Variants in GRM7 observed in about 807,000 individuals in gnomAD.
GRM7 encodes glutamate metabotropic receptor 7.
GRM7 carries 35 observed loss-of-function variants against 84.5 expected under a neutral mutation model. That is an observed-to-expected ratio of 0.41 (90% CI 0.32 to 0.55). The LOEUF (loss-of-function observed/expected upper bound fraction) is 0.55. GRM7 is among the 20% of genes least tolerant of loss of function. The probability of loss-of-function intolerance (pLI) is 0.19; values close to 1 mark genes in which losing one functional copy is unlikely to be tolerated. For synonymous variants in GRM7, 487 were observed against 455.1 expected, an observed-to-expected ratio of 1.07 and a Z score of -0.89; for missense variants, 1,003 against 1,194.6, an observed-to-expected ratio of 0.84 and a Z score of 2.36.
At chr3:7,065,224 T>C (rs1212321897) in intron 1 of GRM7, among the ~76,000 whole-genome samples, 1 of 151,996 alleles carries the variant, frequency 6.6e-6, no homozygotes, top group Non-Finnish European at 1.5e-5. Flanking sequence ...TTTGTTTTTA[T>C]TGCATTTGCT....
At chr3:6,973,852 G>T (rs1430906046) in intron 1 of GRM7, among the ~76,000 whole-genome samples, 2 of 152,172 alleles carry the variant, frequency 1.3e-5, no homozygotes, top group Non-Finnish European at 2.9e-5. Flanking sequence ...AGCAGCTATG[G>T]TAAGGACTTG....
chr3:6,949,480 C>T (rs1047662344), intron 1 of GRM7, among the ~76,000 whole-genome samples: 4 of 151,990 alleles, frequency 2.6e-5, no homozygotes, highest in Non-Finnish European at 4.4e-5. Context: ...TCTCTGGTTG[C>T]CCTTAACATT....
intron 2 of GRM7, among the ~76,000 whole-genome samples, chr3:7,287,375 G>A (rs1013783504): frequency 1.4e-4 from 22 of 152,134 alleles, no homozygotes; most frequent in Admixed American, 1.2e-3. Context: ...TGCTTCAAAT[G>A]TCTTGTTTTA....
chr3:6,995,095 A>G (rs1263991016), intron 1 of GRM7, among the ~76,000 whole-genome samples: 1 of 152,232 alleles, frequency 6.6e-6, no homozygotes, highest in Non-Finnish European at 1.5e-5. Flanking sequence ...TTGGCATCAT[A>G]AAAGGATGGT....
chr3:7,350,508 G>T (rs116460421), intron 4 of GRM7, among the ~76,000 whole-genome samples: 1,757 of 152,086 alleles, frequency 0.012, 30 homozygotes, highest in African/African-American at 0.034. Context: ...AGTTTCCTGA[G>T]TCCTCCCCAG....
intron 7 of GRM7, among the ~76,000 whole-genome samples, chr3:7,544,525 G>C (rs925171388): frequency 6.6e-6 from 1 of 152,134 alleles, no homozygotes; most frequent in African/African-American, 2.4e-5. Flanking sequence ...ATCCTGGGTA[G>C]TTCCCAGCCT....
chr3:6,965,216 C>T (rs1312879203), intron 1 of GRM7, among the ~76,000 whole-genome samples: 1 of 152,180 alleles, frequency 6.6e-6, no homozygotes, highest in Non-Finnish European at 1.5e-5. Context: ...ACAGAGAGGA[C>T]AGAGAAAAGT....
intron 2 of GRM7, among the ~76,000 whole-genome samples, chr3:7,274,933 A>G (rs191533673): frequency 6.6e-6 from 1 of 152,040 alleles, no homozygotes; most frequent in Admixed American, 6.6e-5. Context: ...TGTGTATATC[A>G]TATCTACTGT....
intron 4 of GRM7, among the ~76,000 whole-genome samples, chr3:7,361,711 A>G (rs912835322): frequency 3.3e-5 from 5 of 152,132 alleles, no homozygotes; most frequent in African/African-American, 4.8e-5. Flanking sequence ...TAGAAAATAT[A>G]TGGCTCACAG....
rs113905768 is a variant in GRM7 at position 7,008,190 on chromosome 3, C to T, written c.520-138262C>T. Among the ~76,000 whole-genome samples the T allele has an allele frequency of 5.1e-3, 774 of 152,122 alleles. 10 individuals are homozygous for T. Among genetic ancestry groups the T allele is most frequent in the African/African-American group, 0.017 (722 of 41,462 alleles). ...GGGTCACCTAAAATGGATGAATTTT[C>T]TCATTGTGTCAATGCCTGTCTCTGA... On this transcript the variant is annotated intron_variant, in intron 1 of 9. Coordinates refer to ENST00000357716, the MANE Select transcript of GRM7 (RefSeq NM_000844.4).
chr3:7,530,357 G>A (rs1341837937), intron 7 of GRM7, among the ~76,000 whole-genome samples: 1 of 151,984 alleles, frequency 6.6e-6, no homozygotes, highest in African/African-American at 2.4e-5. Flanking sequence ...TGGACATTTG[G>A]GTTGGTTCCA....
intron 4 of GRM7, among the ~76,000 whole-genome samples, chr3:7,357,829 A>G (rs1355880003): frequency 1.3e-5 from 2 of 152,082 alleles, no homozygotes; most frequent in African/African-American, 4.8e-5. Flanking sequence ...CTTTATCAAA[A>G]GTGGGAAATG....
intron 1 of GRM7, among the ~76,000 whole-genome samples, chr3:7,104,625 T>C (rs754876962): frequency 2.6e-5 from 4 of 151,796 alleles, no homozygotes; most frequent in Non-Finnish European, 5.9e-5. Context: ...ATTTTTGATG[T>C]TTGTTTTGTG....
At chr3:7,037,076 A>G (rs1316213605) in intron 1 of GRM7, among the ~76,000 whole-genome samples, 2 of 152,188 alleles carry the variant, frequency 1.3e-5, no homozygotes, top group East Asian at 3.8e-4. Flanking sequence ...TACTTCATCA[A>G]GTACTTAGGA....
intron 4 of GRM7, among the ~76,000 whole-genome samples, chr3:7,393,551 C>G (rs902750979): frequency 2.0e-5 from 3 of 152,168 alleles, no homozygotes; most frequent in East Asian, 1.9e-4. Flanking sequence ...TGTCTTTTCT[C>G]TGGTGAATCT....
At chr3:7,468,160 A>G (rs911730246) in intron 7 of GRM7, among the ~76,000 whole-genome samples, 3 of 152,228 alleles carry the variant, frequency 2.0e-5, no homozygotes, top group African/African-American at 7.2e-5. Flanking sequence ...TATTATACTC[A>G]TAATTTACAA....
chr3:7,719,241 C>G (rs77666544), intron 9 of GRM7, among the ~76,000 whole-genome samples: 1,687 of 152,296 alleles, frequency 0.011, 43 homozygotes, highest in African/African-American at 0.039. Context: ...CCACCAAAAA[C>G]TGGAAGTGTC....
chr3:7,324,043 A>G (rs1647767729), intron 4 of GRM7, among the ~76,000 whole-genome samples: 1 of 152,118 alleles, frequency 6.6e-6, no homozygotes, highest in African/African-American at 2.4e-5. Flanking sequence ...GGTGTAATAT[A>G]GTTCATTCTA....
At chr3:7,692,324 G>GGTAT (rs2125151937) in intron 9 of GRM7, among the ~76,000 whole-genome samples, 1 of 152,174 alleles carries the variant, frequency 6.6e-6, no homozygotes, top group Non-Finnish European at 1.5e-5. Context: ...ATAGTTCTGG[G>GGTAT]GTATGTCTTG....
Sources: allele counts gnomAD v4.1 joint callset (sites outside exome capture counted in the v4.1 genomes callset), GRCh38; gene constraint gnomAD v4.1.1; transcripts MANE v1.5; gene names NCBI Gene and HGNC (gene_info 2026-07-23, HGNC 2026-07-21).